FARP1: variants seen among roughly 807,000 people sequenced by gnomAD.
The protein encoded by FARP1 is FERM, ARHGEF and pleckstrin domain-containing protein 1.
A neutral mutation model predicts 128.8 loss-of-function variants in FARP1; 52 were observed. That is an observed-to-expected ratio of 0.40 (90% CI 0.32 to 0.51). The LOEUF (loss-of-function observed/expected upper bound fraction) is 0.51. Ranked by LOEUF, FARP1 falls within the 20% of genes least tolerant of loss-of-function variation. FARP1 has a pLI of 0.45. For synonymous variants in FARP1, 580 were observed against 551.8 expected (o/e 1.05, Z -0.72); for missense variants, 1,333 against 1,367.9 (o/e 0.97, Z 0.40).
intron 2 of FARP1, among the ~76,000 whole-genome samples, chr13:98,267,124 C>T (rs1026608115): frequency 4.6e-5 from 7 of 151,270 alleles, no homozygotes; most frequent in African/African-American, 1.2e-4. Context: ...TTTACCTAAA[C>T]GGTTTCAGCC....
intron 2 of FARP1, among the ~76,000 whole-genome samples, chr13:98,334,655 C>T (rs375792893): frequency 1.3e-5 from 2 of 152,074 alleles, no homozygotes; most frequent in African/African-American, 4.8e-5. Context: ...GATGCCCTAC[C>T]CACCATGTGG....
chr13:98,381,957 A>G (rs1309338269), intron 6 of FARP1, among the ~76,000 whole-genome samples: 8 of 152,122 alleles, frequency 5.3e-5, no homozygotes, highest in Non-Finnish European at 2.9e-5. Flanking sequence ...GTTCAAGACC[A>G]GCCTAGGCAA....
intron 9 of FARP1, among the ~76,000 whole-genome samples, chr13:98,388,687 G>A (rs969707315): frequency 3.9e-5 from 6 of 152,204 alleles, no homozygotes; most frequent in Non-Finnish European, 7.3e-5. Flanking sequence ...TAAACAGAGA[G>A]CGTAAAGGAG....
intron 2 of FARP1, chr13:98,244,420 A>T: frequency 1.5e-6 from 2 of 1,360,730 alleles, no homozygotes; most frequent in Non-Finnish European, 2.0e-6. Flanking sequence ...CTTTATTGTT[A>T]CTGTTTTTTA....
chr13:98,336,417 G>A (rs900906760), intron 2 of FARP1, among the ~76,000 whole-genome samples: 3 of 151,954 alleles, frequency 2.0e-5, no homozygotes, highest in Non-Finnish European at 4.4e-5. Flanking sequence ...CTACAGGCAC[G>A]CGCCACCACG....
At chr13:98,342,559 G>A (rs775303262) in intron 2 of FARP1, among the ~76,000 whole-genome samples, 1 of 151,362 alleles carries the variant, frequency 6.6e-6, no homozygotes, top group Non-Finnish European at 1.5e-5. Flanking sequence ...AATTAGCGGG[G>A]CATGGTGGCA....
At chr13:98,314,737 T>C (rs777338382) in intron 2 of FARP1, among the ~76,000 whole-genome samples, 23 of 152,226 alleles carry the variant, frequency 1.5e-4, no homozygotes, top group Non-Finnish European at 3.1e-4. Flanking sequence ...TGCTGTCTCC[T>C]TTTTGAGGCA....
chr13:98,251,809 T>C (rs1350635797), intron 2 of FARP1, among the ~76,000 whole-genome samples: 1 of 152,146 alleles, frequency 6.6e-6, no homozygotes, highest in Non-Finnish European at 1.5e-5. Flanking sequence ...CATAAAAAGA[T>C]AGCAGATTGG....
At chr13:98,309,719 A>G (rs1594385046) in intron 2 of FARP1, among the ~76,000 whole-genome samples, 1 of 152,202 alleles carries the variant, frequency 6.6e-6, no homozygotes, top group African/African-American at 2.4e-5. Flanking sequence ...AAAAACAGCA[A>G]ACGCCGTCAA....
chr13:98,276,328 A>G (rs1464762576), intron 2 of FARP1, among the ~76,000 whole-genome samples: 1 of 152,268 alleles, frequency 6.6e-6, no homozygotes, highest in Non-Finnish European at 1.5e-5. Context: ...GGATTTATAT[A>G]TAACCAATGA....
intron 2 of FARP1, among the ~76,000 whole-genome samples, chr13:98,317,698 G>A (rs902817178): frequency 1.3e-5 from 2 of 152,280 alleles, no homozygotes; most frequent in South Asian, 4.1e-4. Context: ...GTCACTGACT[G>A]GATGGCTTAA....
chr13:98,194,046 G>A (rs1174836777), intron 1 of FARP1, among the ~76,000 whole-genome samples: 3 of 151,752 alleles, frequency 2.0e-5, no homozygotes, highest in Non-Finnish European at 2.9e-5. Flanking sequence ...ATGGATTTTT[G>A]TATTGCTGAA....
At chr13:98,391,242 AT>A (rs1566946413) in intron 11 of FARP1, among the ~76,000 whole-genome samples, 4 of 152,214 alleles carry the variant, frequency 2.6e-5, no homozygotes, top group African/African-American at 7.2e-5. Flanking sequence ...GTCTATGAAC[AT>A]TTTAATTAAA....
chr13:98,390,180 C>A, intron 10 of FARP1, 60 bp downstream of exon 10: 1 of 1,558,002 alleles, frequency 6.4e-7, no homozygotes, highest in Non-Finnish European at 8.7e-7. Flanking sequence ...CCGCCTCTCA[C>A]AGCCGCTGTG....
chr13:98,181,857 C>T (rs1878553366), intron 1 of FARP1, among the ~76,000 whole-genome samples: 1 of 151,916 alleles, frequency 6.6e-6, no homozygotes, highest in African/African-American at 2.4e-5. Context: ...GGTCTTATCA[C>T]ACATGGTATT....
At chr13:98,416,206 A>G (rs2140131282) in intron 16 of FARP1, among the ~76,000 whole-genome samples, 1 of 152,364 alleles carries the variant, frequency 6.6e-6, no homozygotes, top group South Asian at 2.1e-4. Flanking sequence ...TACATTAACT[A>G]AAGTCCAGAT....
intron 2 of FARP1, chr13:98,328,577 C>A (rs1887335361): frequency 6.6e-6 from 1 of 152,206 alleles, no homozygotes; most frequent in African/African-American, 2.4e-5. Flanking sequence ...ATCTTAGCAA[C>A]CTCAGCACAT....
At chr13:98,200,873 A>G (rs1216922586) in intron 1 of FARP1, among the ~76,000 whole-genome samples, 1 of 151,988 alleles carries the variant, frequency 6.6e-6, no homozygotes, top group Admixed American at 6.6e-5. Flanking sequence ...TTTTGAATGT[A>G]AGTGTTTTAT....
chr13:98,308,030 T>TCC (rs1886251358), intron 2 of FARP1, among the ~76,000 whole-genome samples: 1 of 6,696 alleles, frequency 1.5e-4, no homozygotes, highest in Non-Finnish European at 3.2e-4. Flanking sequence ...CCCCACTCTC[T>TCC]CTCTTTTTTT....
Sources: allele counts gnomAD v4.1 joint callset (sites outside exome capture counted in the v4.1 genomes callset), GRCh38; gene constraint gnomAD v4.1.1; transcripts MANE v1.5; gene names NCBI Gene and HGNC (gene_info 2026-07-23, HGNC 2026-07-21).